Variants in LIN52 observed in about 807,000 individuals in gnomAD.
LIN52 encodes the protein lin-52 DREAM MuvB core complex component.
In LIN52, 4 loss-of-function variants were observed where a neutral mutation model predicts 18.5. The ratio of observed to expected loss-of-function variants is 0.22; its 90% CI spans 0.11 to 0.49. The LOEUF is 0.49. Ranked by LOEUF, LIN52 falls within the 20% of genes least tolerant of loss-of-function variation. The probability of loss-of-function intolerance (pLI) is 0.97; values close to 1 mark genes in which losing one functional copy is unlikely to be tolerated. For synonymous variants in LIN52, 34 were observed against 45.5 expected (o/e 0.75, Z 1.02); for missense variants, 102 against 139.5 (o/e 0.73, Z 1.35).
At chr14:74,171,321 T>C (rs1190869533) in intron 5 of LIN52, among the ~76,000 whole-genome samples, 2 of 148,978 alleles carry the variant, frequency 1.3e-5, no homozygotes, top group African/African-American at 2.5e-5. Context: ...GCTACAATTG[T>C]AACACTACAC....
intron 2 of LIN52, among the ~76,000 whole-genome samples, chr14:74,093,648 G>A (rs1194053305): frequency 1.3e-5 from 2 of 152,142 alleles, no homozygotes; most frequent in African/African-American, 4.8e-5. Flanking sequence ...GTTAACCACT[G>A]TTAATCGTAC....
chr14:74,153,694 C>T (rs2061186603), intron 5 of LIN52, among the ~76,000 whole-genome samples: 1 of 152,038 alleles, frequency 6.6e-6, no homozygotes, highest in Non-Finnish European at 1.5e-5. Flanking sequence ...TAGGTGCCCA[C>T]CACCATGCCC....
At chr14:74,178,511 G>A (rs1326522835) in intron 5 of LIN52, among the ~76,000 whole-genome samples, 1 of 151,124 alleles carries the variant, frequency 6.6e-6, no homozygotes, top group Non-Finnish European at 1.5e-5. Flanking sequence ...AGGCTGGAGT[G>A]CAGTGGTGCG....
intron 3 of LIN52, 108 bp downstream of exon 3, chr14:74,096,093 A>G (rs1243398393): frequency 2.7e-6 from 2 of 731,392 alleles, no homozygotes; most frequent in South Asian, 4.3e-5. Context: ...GCAGAGTCTC[A>G]CTCTTCGCCC....
In LIN52 at chr14:74,200,821, G is replaced by GCA. The variant is rs147322792; in HGVS notation, c.*1845_*1846insAC. On this transcript the variant is annotated 3_prime_UTR_variant, in exon 6 of 6. Coordinates refer to ENST00000555028, the MANE Select transcript of LIN52 (RefSeq NM_001024674.3). The stretch of plus-strand genomic sequence containing the variant: ...GGTTGAAGAGTGTGTGTGTGTGTGT[G>GCA]CGCGCGCGCATGTGGCCAAAAAATA... 3 of 12,416 alleles carry GCA rather than the reference G, an allele frequency of 2.4e-4. No homozygotes were observed. The highest frequency in any genetic ancestry group is 4.5e-4 in the Non-Finnish European group (1 of 2,236). 0.8% of individuals were successfully genotyped at this position (12,416 alleles called of 1,614,324 possible).
At chr14:74,151,129 G>T (rs895097725) in intron 5 of LIN52, among the ~76,000 whole-genome samples, 1 of 152,168 alleles carries the variant, frequency 6.6e-6, no homozygotes, top group Admixed American at 6.5e-5. Flanking sequence ...TGATTCAGTA[G>T]ATGGCAGTAT....
chr14:74,130,691 G>A (rs991402576), intron 5 of LIN52, among the ~76,000 whole-genome samples: 1 of 142,718 alleles, frequency 7.0e-6, no homozygotes, highest in Non-Finnish European at 1.5e-5. Context: ...GAAGGTTCAA[G>A]TGATTCTCGT....
intron 5 of LIN52, among the ~76,000 whole-genome samples, chr14:74,140,622 T>C (rs1048999175): frequency 6.6e-6 from 1 of 152,158 alleles, no homozygotes; most frequent in Non-Finnish European, 1.5e-5. Context: ...TGACTGTCCG[T>C]CACGAAAAGG....
At chr14:74,171,229 GGT>G (rs2061269336) in intron 5 of LIN52, among the ~76,000 whole-genome samples, 1 of 151,888 alleles carries the variant, frequency 6.6e-6, no homozygotes, top group Non-Finnish European at 1.5e-5. Flanking sequence ...AAATTTGCCA[GGT>G]GTGGTAGCAT....
intron 5 of LIN52, among the ~76,000 whole-genome samples, chr14:74,112,746 C>G (rs2060937620): frequency 6.6e-6 from 1 of 152,120 alleles, no homozygotes; most frequent in African/African-American, 2.4e-5. Flanking sequence ...GTTTGGGTGA[C>G]TACTTCATAC....
At chr14:74,154,428 C>A (rs2061190672) in intron 5 of LIN52, among the ~76,000 whole-genome samples, 1 of 152,142 alleles carries the variant, frequency 6.6e-6, no homozygotes, top group Non-Finnish European at 1.5e-5. Context: ...CTGTGGTTAA[C>A]CAAAGATAAA....
chr14:74,117,717 G>A (rs988305118), intron 5 of LIN52, among the ~76,000 whole-genome samples: 1 of 152,044 alleles, frequency 6.6e-6, no homozygotes, highest in Non-Finnish European at 1.5e-5. Context: ...TGTAGTGCCC[G>A]TTTCTTTATT....
chr14:74,092,846 G>A (rs1222081812), intron 2 of LIN52, among the ~76,000 whole-genome samples: 1 of 151,724 alleles, frequency 6.6e-6, no homozygotes, highest in Non-Finnish European at 1.5e-5. Flanking sequence ...GAACCCGGGA[G>A]GCGGAGGTTG....
intron 5 of LIN52, among the ~76,000 whole-genome samples, chr14:74,158,891 A>C (rs2061212316): frequency 6.6e-6 from 1 of 152,198 alleles, no homozygotes; most frequent in African/African-American, 2.4e-5. Context: ...AATAACACAA[A>C]ATTTCAGAAT....
intron 5 of LIN52, among the ~76,000 whole-genome samples, chr14:74,147,768 C>G (rs1358091001): frequency 6.6e-6 from 1 of 151,974 alleles, no homozygotes; most frequent in African/African-American, 2.4e-5. Flanking sequence ...GTGAGGTAAT[C>G]AGAGTAGTCA....
chr14:74,172,777 A>G (rs1000544785), intron 5 of LIN52, among the ~76,000 whole-genome samples: 6 of 152,248 alleles, frequency 3.9e-5, no homozygotes, highest in African/African-American at 1.2e-4. Context: ...TTCTGCTCAA[A>G]TAGCCACACA....
intron 2 of LIN52, among the ~76,000 whole-genome samples, chr14:74,094,329 A>G (rs2060793625): frequency 6.6e-6 from 1 of 151,714 alleles, no homozygotes; most frequent in Admixed American, 6.6e-5. Context: ...GCGTGATCAC[A>G]GCTGACTGCA....
At chr14:74,104,708 A>AT (rs2060886042) in intron 5 of LIN52, among the ~76,000 whole-genome samples, 1 of 151,626 alleles carries the variant, frequency 6.6e-6, no homozygotes, top group Non-Finnish European at 1.5e-5. Flanking sequence ...AGATCTAACT[A>AT]TCAGGAAATA....
At chr14:74,144,821 A>C (rs1358049550) in intron 5 of LIN52, among the ~76,000 whole-genome samples, 1 of 152,228 alleles carries the variant, frequency 6.6e-6, no homozygotes, top group East Asian at 1.9e-4. Context: ...AATAAATGTT[A>C]CACTGCAATA....
Sources: gnomAD v4.1 joint callset for allele counts (sites outside exome capture counted in the v4.1 genomes callset) on GRCh38, gnomAD v4.1.1 for gene constraint, MANE v1.5 for transcripts, NCBI Gene and HGNC (gene_info 2026-07-23, HGNC 2026-07-21) for gene names.